PICALM: variants seen among roughly 807,000 people sequenced by gnomAD.
PICALM encodes the protein phosphatidylinositol-binding clathrin assembly protein.
PICALM carries 40 observed loss-of-function variants against 80.5 expected under a neutral mutation model. That is an observed-to-expected ratio of 0.50 (90% CI 0.39 to 0.65). PICALM has a LOEUF of 0.65. PICALM is among the 30% of genes least tolerant of loss of function. The pLI is 0.00. For synonymous variants in PICALM, 288 were observed against 260.3 expected (o/e 1.11, Z -1.02); for missense variants, 676 against 778.9 (o/e 0.87, Z 1.57).
At chr11:85,981,816 G>A (rs374145283) in intron 15 of PICALM, 41 bp from the exon 16 acceptor site, 4 of 1,610,804 alleles carry the variant, frequency 2.5e-6, no homozygotes, top group Non-Finnish European at 3.4e-6. Flanking sequence ...TATAACACGA[G>A]ACGCAGTTTA....
chr11:86,040,329 A>C (rs567081801), intron 1 of PICALM, among the ~76,000 whole-genome samples: 1 of 152,292 alleles, frequency 6.6e-6, no homozygotes, highest in Non-Finnish European at 1.5e-5. Flanking sequence ...TTTTAAAATC[A>C]CAGATTACTT....
In PICALM at chr11:85,978,025, T is replaced by C. The variant is rs200457806; in HGVS notation, c.1780-1343A>G. On this transcript the variant is annotated intron_variant, in intron 17 of 19. Coordinates refer to ENST00000393346, the MANE Select transcript of PICALM (RefSeq NM_007166.4). ...GAGATTCTGCTACAGCAGTGGTTAA[T>C]AGCATGCCAATTTATTGCAAAAAGG... 69 of 1,498,284 alleles carry C rather than the reference T, an allele frequency of 4.6e-5. No individual in the cohort carries two copies. In the Middle Eastern group the frequency reaches 8.5e-4, roughly 18 times the overall value. The allele number at this position is 1,498,284 out of a possible 1,614,324, so 92.8% of individuals were successfully genotyped here. A position where few individuals can be genotyped will look rare whatever the true frequency, so the allele number is the denominator to read the frequency against.
At chr11:85,966,433 G>A (rs554728105) in intron 19 of PICALM, among the ~76,000 whole-genome samples, 1 of 152,258 alleles carries the variant, frequency 6.6e-6, no homozygotes, top group South Asian at 2.1e-4. Flanking sequence ...CAAAAACAGG[G>A]CAACCTTTAA....
chr11:86,054,793 G>A (rs754646676), intron 1 of PICALM, among the ~76,000 whole-genome samples: 7 of 151,450 alleles, frequency 4.6e-5, no homozygotes, highest in Non-Finnish European at 8.8e-5. Context: ...TTTTCTTTTT[G>A]AGACGGAGTT....
rs1044449369 is a variant in PICALM at position 86,005,149 on chromosome 11, A to G, written c.808-1698T>C. 2.0e-5 allele frequency among the ~76,000 whole-genome samples: 3 copies of G among 152,342 alleles called. No homozygotes were observed. In the East Asian group the frequency reaches 5.8e-4, roughly 29 times the overall value. On this transcript the variant is annotated intron_variant, in intron 8 of 19. Transcript: ENST00000393346. The stretch of plus-strand genomic sequence containing the variant: ...GATTAAGTAATCTGTCCAAGATCAC[A>G]TATCTGATACACAACAGAAGCCAAG...
intron 17 of PICALM, among the ~76,000 whole-genome samples, chr11:85,980,092 C>T (rs906267678): frequency 1.3e-5 from 2 of 152,194 alleles, no homozygotes; most frequent in South Asian, 2.1e-4. Flanking sequence ...CTTTGTGACA[C>T]CAAAAATCAA....
chr11:86,028,115 G>T (rs986729293), intron 2 of PICALM, among the ~76,000 whole-genome samples: 1 of 151,810 alleles, frequency 6.6e-6, no homozygotes, highest in Non-Finnish European at 1.5e-5. Flanking sequence ...TCCTTTCTAC[G>T]TTCATTATAT....
intron 7 of PICALM, among the ~76,000 whole-genome samples, chr11:86,009,548 C>A (rs1007026440): frequency 6.6e-6 from 1 of 151,046 alleles, no homozygotes; most frequent in Non-Finnish European, 1.5e-5. Flanking sequence ...AAAAATTAGC[C>A]GGGTGTGGTG....
chr11:86,001,599 A>C (rs956644254), intron 9 of PICALM, among the ~76,000 whole-genome samples: 2 of 152,238 alleles, frequency 1.3e-5, no homozygotes, highest in African/African-American at 4.8e-5. Flanking sequence ...GCATACCAGT[A>C]ACACGTAACG....
chr11:85,989,246 T>C (rs1328354485), intron 13 of PICALM, among the ~76,000 whole-genome samples: 3 of 152,232 alleles, frequency 2.0e-5, no homozygotes, highest in Non-Finnish European at 4.4e-5. Context: ...TGGATATATA[T>C]GTGTTTTAAG....
intron 2 of PICALM, among the ~76,000 whole-genome samples, chr11:86,029,563 T>C (rs1195271271): frequency 6.6e-6 from 1 of 152,236 alleles, no homozygotes; most frequent in Non-Finnish European, 1.5e-5. Flanking sequence ...GACTGTCAAC[T>C]TTCTGTTTTG....
chr11:86,054,603 C>A (rs1221424835), intron 1 of PICALM, among the ~76,000 whole-genome samples: 2 of 152,054 alleles, frequency 1.3e-5, no homozygotes, highest in African/African-American at 4.8e-5. Flanking sequence ...TTCCTGTTAC[C>A]TCCCCTCTGT....
At chr11:86,059,551 A>G (rs1311787283) in intron 1 of PICALM, among the ~76,000 whole-genome samples, 1 of 152,226 alleles carries the variant, frequency 6.6e-6, no homozygotes, top group Non-Finnish European at 1.5e-5. Context: ...TTATAATCCC[A>G]GCACTTTGGG....
At position 85,982,018 on chromosome 11, in the gene PICALM, C is replaced by G; in HGVS notation, c.1517-15G>C. ...TTCATCAAAGCCTTAAAGTTACAAA[C>G]AGACGAAATAGAATTTGTAAGGAAC... is the stretch of plus-strand genomic sequence containing the variant. On this transcript the variant is annotated splice_polypyrimidine_tract_variant and intron_variant, in intron 14 of 19. Transcript: ENST00000393346. 6.2e-7 allele frequency: 1 copy of G among 1,611,482 alleles called. No individual in the cohort carries two copies. The highest frequency in any genetic ancestry group is 8.5e-7 in the Non-Finnish European group (1 of 1,177,630).
rs769261963 is a variant in PICALM at position 85,982,014 on chromosome 11, C to A, written c.1517-11G>T. 1 of 1,611,862 alleles carries A rather than the reference C, an allele frequency of 6.2e-7. No homozygotes were observed. The highest frequency in any genetic ancestry group is 8.5e-7 in the Non-Finnish European group (1 of 1,178,114). On this transcript the variant is annotated splice_polypyrimidine_tract_variant and intron_variant, in intron 14 of 19. Transcript: ENST00000393346. ...CTAGTTCATCAAAGCCTTAAAGTTA[C>A]AAACAGACGAAATAGAATTTGTAAG...
In PICALM at chr11:85,981,954, G is replaced by A. The variant is rs1565275962; in HGVS notation, c.1566C>T (p.Asn522=). 1 of 1,612,748 alleles carries A rather than the reference G, an allele frequency of 6.2e-7. No individual in the cohort carries two copies. Among genetic ancestry groups the A allele is most frequent in the East Asian group, 2.2e-5 (1 of 44,868 alleles). The change falls in exon 15 of 20, where the codon AAC becomes AAT. Residue 522 remains asparagine (N), a synonymous_variant. Transcript: ENST00000393346. ...GGAGTTTGGCAACAGGAAGGTTCTGGTTCTGAGAGGCCACTGTTGGTTTGA... is the reference window on the plus strand; with the variant it reads ...GGAGTTTGGCAACAGGAAGGTTCTGATTCTGAGAGGCCACTGTTGGTTTGA... ...GLLKPTVASQ[N]QNLPVAKLPP...
chr11:85,979,960 C>G (rs561413383), intron 17 of PICALM, among the ~76,000 whole-genome samples: 2 of 152,134 alleles, frequency 1.3e-5, no homozygotes, highest in Non-Finnish European at 2.9e-5. Flanking sequence ...TCTACCATAC[C>G]TTACAGTAAT....
chr11:86,048,247 A>G (rs761713935), intron 1 of PICALM, among the ~76,000 whole-genome samples: 10 of 152,210 alleles, frequency 6.6e-5, no homozygotes, highest in Admixed American at 1.3e-4. Flanking sequence ...TTCTATAGCT[A>G]ATTTTTAAGT....
chr11:86,000,437 A>C (rs1245512882), intron 11 of PICALM, among the ~76,000 whole-genome samples: 2 of 152,234 alleles, frequency 1.3e-5, no homozygotes, highest in African/African-American at 2.4e-5. Context: ...TCAGTGATTT[A>C]ACTATCTTCC....
Sources: allele counts gnomAD v4.1 joint callset (sites outside exome capture counted in the v4.1 genomes callset), GRCh38; gene constraint gnomAD v4.1.1; transcripts MANE v1.5; gene names NCBI Gene and HGNC (gene_info 2026-07-23, HGNC 2026-07-21).